Variants in CNTNAP2 observed in about 807,000 individuals in gnomAD.
CNTNAP2 encodes contactin associated protein 2.
A neutral mutation model predicts 155.2 loss-of-function variants in CNTNAP2; 98 were observed. The observed-to-expected ratio is 0.63, with a 90% CI of 0.54 to 0.75. CNTNAP2 has a LOEUF of 0.75. Ranked by LOEUF, CNTNAP2 falls within the 30% of genes least tolerant of loss-of-function variation. The probability of loss-of-function intolerance (pLI) is 0.00; values close to 1 mark genes in which losing one functional copy is unlikely to be tolerated. For missense variants in CNTNAP2, 1,727 were observed against 1,688.1 expected (o/e 1.02, Z -0.40); for synonymous variants, 651 against 631.2 (o/e 1.03, Z -0.47).
At chr7:146,585,954 A>G (rs1005165400) in intron 1 of CNTNAP2, among the ~76,000 whole-genome samples, 2 of 151,980 alleles carry the variant, frequency 1.3e-5, no homozygotes, top group Admixed American at 6.6e-5. Flanking sequence ...GCAGTGAACC[A>G]TGATGATGCC....
chr7:146,506,200 T>A (rs1420326140), intron 1 of CNTNAP2, among the ~76,000 whole-genome samples: 1 of 152,172 alleles, frequency 6.6e-6, no homozygotes, highest in Non-Finnish European at 1.5e-5. Flanking sequence ...GGTGGCCGTG[T>A]CTACAGCTGT....
chr7:147,752,722 G>A (rs763554987), intron 13 of CNTNAP2, among the ~76,000 whole-genome samples: 30 of 152,130 alleles, frequency 2.0e-4, no homozygotes, highest in Non-Finnish European at 3.2e-4. Flanking sequence ...TGATCATAGC[G>A]TCATGAGCCA....
intron 14 of CNTNAP2, among the ~76,000 whole-genome samples, chr7:147,931,205 A>C (rs1369336847): frequency 7.4e-6 from 1 of 135,386 alleles, no homozygotes; most frequent in Non-Finnish European, 1.5e-5. Context: ...AAATAAACAG[A>C]GTAAAAAAAA....
chr7:147,928,297 A>C (rs1250327260), intron 14 of CNTNAP2, among the ~76,000 whole-genome samples: 2 of 152,178 alleles, frequency 1.3e-5, no homozygotes, highest in Admixed American at 6.5e-5. Flanking sequence ...TAACCTCTTT[A>C]AACCTCAATT....
chr7:146,249,078 A>C (rs802517), intron 1 of CNTNAP2, among the ~76,000 whole-genome samples: 1 of 151,740 alleles, frequency 6.6e-6, no homozygotes, highest in African/African-American at 2.4e-5. Flanking sequence ...AATTTCACAA[A>C]ACAATGTCAT....
rs3080477 is a variant in CNTNAP2 at position 146,684,639 on chromosome 7, C to CAAAAAAAAAAAAAAAA, written c.98-89627_98-89612dup. The stretch of plus-strand genomic sequence containing the variant: ...GCTTCGAGCAATAATAGATCCAGCG[C>CAAAAAAAAAAAAAAAA]AAAAAAAAAAAAAAAAAAAAGCTGG... On this transcript the variant is annotated intron_variant, in intron 1 of 23. Coordinates refer to ENST00000361727, the MANE Select transcript of CNTNAP2 (RefSeq NM_014141.6). Among the ~76,000 whole-genome samples, 8 of 63,508 alleles carry CAAAAAAAAAAAAAAAA rather than the reference C, an allele frequency of 1.3e-4. 1 individual carries two copies. Among genetic ancestry groups the CAAAAAAAAAAAAAAAA allele is most frequent in the Non-Finnish European group, 2.2e-4 (8 of 35,814 alleles). The allele number at this position is 63,508 out of a possible 152,430, so 41.7% of individuals were successfully genotyped here.
At chr7:147,286,648 A>G (rs1805186229) in intron 8 of CNTNAP2, among the ~76,000 whole-genome samples, 1 of 152,100 alleles carries the variant, frequency 6.6e-6, no homozygotes, top group African/African-American at 2.4e-5. Flanking sequence ...AAGTGCATAC[A>G]AATTTGGGGT....
chr7:146,807,111 T>C (rs552512520), intron 2 of CNTNAP2, among the ~76,000 whole-genome samples: 2 of 152,340 alleles, frequency 1.3e-5, no homozygotes, highest in South Asian at 2.1e-4. Flanking sequence ...ATTAAAATTA[T>C]ACAAATGGTA....
At chr7:147,685,152 T>C (rs2116984449) in intron 13 of CNTNAP2, among the ~76,000 whole-genome samples, 1 of 152,130 alleles carries the variant, frequency 6.6e-6, no homozygotes, top group African/African-American at 2.4e-5. Context: ...TTCCCCTGGG[T>C]CTATTTGCCA....
chr7:148,400,464 C>T (rs1461845716), intron 22 of CNTNAP2, among the ~76,000 whole-genome samples: 3 of 152,282 alleles, frequency 2.0e-5, no homozygotes, highest in South Asian at 2.1e-4. Context: ...CAAACCTCAA[C>T]GAAGAGCCGT....
rs150869291 is a variant in CNTNAP2, at chr7:147,012,238, T to TTAGA, written c.403-31665_403-31662dup. Among the ~76,000 whole-genome samples the TTAGA allele has an allele frequency of 8.4e-3, 1,272 of 152,206 alleles. 19 individuals are homozygous for TTAGA. The highest frequency in any genetic ancestry group is 0.028 in the African/African-American group (1,157 of 41,526). On this transcript the variant is annotated intron_variant, in intron 3 of 23. Transcript: ENST00000361727. The stretch of plus-strand genomic sequence containing the variant: ...GGGAACTCTAAATAAGCTTTGTGCA[T>TTAGA]TAGATAGTAGTAATAGATGTAAAAA...
intron 15 of CNTNAP2, among the ~76,000 whole-genome samples, chr7:148,099,378 G>A (rs1444848781): frequency 2.0e-5 from 3 of 151,666 alleles, no homozygotes; most frequent in South Asian, 2.1e-4. Context: ...AGAAAAATTT[G>A]CTATGGCCAG....
chr7:147,251,520 T>C (rs762309888), intron 8 of CNTNAP2, among the ~76,000 whole-genome samples: 5 of 152,206 alleles, frequency 3.3e-5, no homozygotes, highest in Non-Finnish European at 4.4e-5. Context: ...TGTGTGCCTA[T>C]GGCTCTGCCA....
chr7:146,848,973 G>A (rs1794817550), intron 3 of CNTNAP2, among the ~76,000 whole-genome samples: 1 of 152,148 alleles, frequency 6.6e-6, no homozygotes, highest in Non-Finnish European at 1.5e-5. Flanking sequence ...TAGAGACGGG[G>A]TTTCGCCATG....
intron 15 of CNTNAP2, among the ~76,000 whole-genome samples, chr7:148,046,685 A>G (rs1352347189): frequency 6.6e-6 from 1 of 152,238 alleles, no homozygotes; most frequent in Non-Finnish European, 1.5e-5. Flanking sequence ...GGGAAATTAC[A>G]TATTTCATAA....
intron 1 of CNTNAP2, among the ~76,000 whole-genome samples, chr7:146,474,171 A>G (rs1003423995): frequency 6.6e-6 from 1 of 151,708 alleles, no homozygotes; most frequent in African/African-American, 2.4e-5. Context: ...ATATTTCAGG[A>G]CTTCTGTGTA....
At chr7:146,768,024 T>C (rs983672977) in intron 1 of CNTNAP2, among the ~76,000 whole-genome samples, 9 of 152,284 alleles carry the variant, frequency 5.9e-5, no homozygotes, top group African/African-American at 2.2e-4. Context: ...AAAATTATTA[T>C]AAAAATTGGA....
chr7:147,464,645 T>G (rs764093642), intron 10 of CNTNAP2, among the ~76,000 whole-genome samples: 1 of 152,098 alleles, frequency 6.6e-6, no homozygotes, highest in Non-Finnish European at 1.5e-5. Context: ...GCTCTAAATT[T>G]TACCACTCCA....
Position 147,033,164 on chromosome 7 carries a change from A to ATG in CNTNAP2, c.403-10742_403-10741insGT, listed in dbSNP as rs1420767369. Among the ~76,000 whole-genome samples, 94 of 20,228 alleles carry ATG rather than the reference A, an allele frequency of 4.6e-3. 1 individual carries two copies. Among genetic ancestry groups the ATG allele is most frequent in the African/African-American group, 0.018 (80 of 4,534 alleles). 13.3% of individuals were successfully genotyped at this position (20,228 alleles called of 152,430 possible). A position where few individuals can be genotyped will look rare whatever the true frequency, so the allele number is the denominator to read the frequency against. The stretch of plus-strand genomic sequence containing the variant: ...TATTGCTGCATATATATATATGTAT[A>ATG]TATATATATATATATATATATATAT... On this transcript the variant is annotated intron_variant, in intron 3 of 23. Transcript: ENST00000361727.
Sources: gnomAD v4.1 joint callset for allele counts (sites outside exome capture counted in the v4.1 genomes callset) on GRCh38, gnomAD v4.1.1 for gene constraint, MANE v1.5 for transcripts, NCBI Gene and HGNC (gene_info 2026-07-23, HGNC 2026-07-21) for gene names.